The following BMPR1B variants were observed in gnomAD, a reference collection of about 807,000 sequenced individuals.
BMPR1B encodes bone morphogenetic protein receptor type 1B.
A neutral mutation model predicts 59.1 loss-of-function variants in BMPR1B; 12 were observed. The observed-to-expected ratio is 0.20, with a 90% CI of 0.13 to 0.33. BMPR1B has a LOEUF of 0.33. BMPR1B is among the 10% of genes least tolerant of loss of function. BMPR1B has a pLI of 1.00. For missense variants in BMPR1B, 550 were observed against 610.9 expected (o/e 0.90, Z 1.05); for synonymous variants, 237 against 207.3 (o/e 1.14, Z -1.23).
chr4:94,797,389 G>A (rs1723237189), intron 1 of BMPR1B, among the ~76,000 whole-genome samples: 1 of 152,014 alleles, frequency 6.6e-6, no homozygotes, highest in African/African-American at 2.4e-5. Flanking sequence ...TCCAGAATAG[G>A]GATTTATCTT....
In BMPR1B at chr4:94,832,209, A is replaced by G. The variant is rs569685218; in HGVS notation, c.-182-43622A>G. ...AGGTTGAGAACCGCTGGCCTACAGT[A>G]TTTAGTACAGAGAAATGGTGTACAG... On this transcript the variant is annotated intron_variant, in intron 1 of 12. Coordinates refer to ENST00000515059, the MANE Select transcript of BMPR1B (RefSeq NM_001203.3). Among the ~76,000 whole-genome samples the G allele has an allele frequency of 2.6e-5, 4 of 152,280 alleles. No homozygotes were observed. In the South Asian group the frequency reaches 8.3e-4, roughly 32 times the overall value.
intron 10 of BMPR1B, among the ~76,000 whole-genome samples, chr4:95,147,872 T>A (rs186452742): frequency 6.6e-6 from 1 of 152,320 alleles, no homozygotes; most frequent in Non-Finnish European, 1.5e-5. Flanking sequence ...GGGCTGGAAC[T>A]GTGGCTCCAG....
intron 2 of BMPR1B, among the ~76,000 whole-genome samples, chr4:94,908,204 T>C (rs1728134294): frequency 6.6e-6 from 1 of 151,620 alleles, no homozygotes; most frequent in East Asian, 1.9e-4. Flanking sequence ...TTCATAAGAA[T>C]TGCACTTTCT....
intron 1 of BMPR1B, among the ~76,000 whole-genome samples, chr4:94,759,156 CGCT>C (rs1721658328): frequency 6.6e-6 from 1 of 152,216 alleles, no homozygotes. Flanking sequence ...TGAATGGAAA[CGCT>C]GCAGTTCCCT....
At chr4:94,992,959 C>T (rs939237809) in intron 2 of BMPR1B, among the ~76,000 whole-genome samples, 113 of 152,312 alleles carry the variant, frequency 7.4e-4, no homozygotes, top group African/African-American at 2.6e-3. Flanking sequence ...CAATAGCTCA[C>T]TGTAGCCTCG....
chr4:94,843,187 A>C (rs1725166825), intron 1 of BMPR1B, among the ~76,000 whole-genome samples: 1 of 152,178 alleles, frequency 6.6e-6, no homozygotes, highest in African/African-American at 2.4e-5. Flanking sequence ...AGGCAGACTG[A>C]CTCTGACATC....
intron 3 of BMPR1B, among the ~76,000 whole-genome samples, chr4:95,081,523 CTG>C (rs1480944444): frequency 2.0e-5 from 3 of 152,174 alleles, no homozygotes; most frequent in Non-Finnish European, 4.4e-5. Flanking sequence ...ATCCACATAA[CTG>C]ATCTGCATAA....
chr4:94,927,902 GA>G (rs1467861529), intron 2 of BMPR1B, among the ~76,000 whole-genome samples: 48 of 152,146 alleles, frequency 3.2e-4, no homozygotes, highest in African/African-American at 1.1e-3. Context: ...CTGGCACATC[GA>G]GTATGTGGAA....
chr4:95,146,934 A>G (rs1427679746), intron 10 of BMPR1B, among the ~76,000 whole-genome samples: 2 of 152,222 alleles, frequency 1.3e-5, no homozygotes, highest in Non-Finnish European at 1.5e-5. Context: ...ATTTACACAT[A>G]CAAATGACAA....
chr4:94,980,200 G>T (rs1026074407), intron 2 of BMPR1B, among the ~76,000 whole-genome samples: 2 of 152,200 alleles, frequency 1.3e-5, no homozygotes, highest in African/African-American at 4.8e-5. Context: ...CCACTGATAA[G>T]ATTTATTCAT....
intron 2 of BMPR1B, among the ~76,000 whole-genome samples, chr4:94,943,392 G>A (rs1281977310): frequency 2.6e-5 from 4 of 152,078 alleles, no homozygotes; most frequent in African/African-American, 9.7e-5. Flanking sequence ...CCAAAGGGCT[G>A]GGATTACAGG....
At chr4:95,036,704 C>CTTTTT (rs5860386) in intron 3 of BMPR1B, among the ~76,000 whole-genome samples, 1 of 128,092 alleles carries the variant, frequency 7.8e-6, no homozygotes, top group Non-Finnish European at 1.6e-5. Context: ...ATACAATTTC[C>CTTTTT]TTTTTTTTTT....
At chr4:95,035,869 G>T (rs1347332071) in intron 3 of BMPR1B, among the ~76,000 whole-genome samples, 2 of 152,034 alleles carry the variant, frequency 1.3e-5, no homozygotes, top group African/African-American at 2.4e-5. Context: ...ATTGCTTTTG[G>T]CAATATGGTC....
At chr4:95,112,554 A>G (rs906447184) in intron 4 of BMPR1B, among the ~76,000 whole-genome samples, 4 of 152,112 alleles carry the variant, frequency 2.6e-5, no homozygotes, top group Non-Finnish European at 5.9e-5. Context: ...ATATAAATTA[A>G]TTTGCTTTGT....
intron 3 of BMPR1B, among the ~76,000 whole-genome samples, chr4:95,033,935 A>G (rs999580925): frequency 6.6e-6 from 1 of 152,196 alleles, no homozygotes; most frequent in African/African-American, 2.4e-5. Context: ...ATGGAAGTTC[A>G]GAAGAGGAAG....
At chr4:94,807,504 A>G (rs562363867) in intron 1 of BMPR1B, among the ~76,000 whole-genome samples, 303 of 129,176 alleles carry the variant, frequency 2.3e-3, no homozygotes, top group Admixed American at 4.1e-3. Context: ...TTAGTAATTA[A>G]TAATAATTTT....
intron 2 of BMPR1B, among the ~76,000 whole-genome samples, chr4:94,907,371 A>G (rs1728086577): frequency 6.6e-6 from 1 of 152,080 alleles, no homozygotes; most frequent in Non-Finnish European, 1.5e-5. Flanking sequence ...GTTAACAGGA[A>G]TCAACATTAT....
At chr4:94,958,930 G>A (rs1730256467) in intron 2 of BMPR1B, among the ~76,000 whole-genome samples, 1 of 152,074 alleles carries the variant, frequency 6.6e-6, no homozygotes, top group African/African-American at 2.4e-5. Context: ...CAGGTCAGGA[G>A]TTATAAACAA....
intron 1 of BMPR1B, among the ~76,000 whole-genome samples, chr4:94,803,681 AT>A (rs1158418143): frequency 6.6e-6 from 1 of 152,110 alleles, no homozygotes; most frequent in Non-Finnish European, 1.5e-5. Context: ...TCTCAACATA[AT>A]TTGATTTGCA....
Sources: allele counts gnomAD v4.1 joint callset (sites outside exome capture counted in the v4.1 genomes callset), GRCh38; gene constraint gnomAD v4.1.1; transcripts MANE v1.5; gene names NCBI Gene and HGNC (gene_info 2026-07-23, HGNC 2026-07-21).